SAP30BP: variants seen among roughly 807,000 people sequenced by gnomAD.
SAP30BP encodes SAP30-binding protein.
SAP30BP carries 31 observed loss-of-function variants against 46.3 expected under a neutral mutation model. The observed-to-expected ratio is 0.67, with a 90% CI of 0.50 to 0.90. The LOEUF is 0.90. Among genes scored for constraint, SAP30BP ranks in the 40% least tolerant of loss-of-function variants. The pLI is 0.00. For missense variants in SAP30BP, 312 were observed against 391.0 expected, an observed-to-expected ratio of 0.80 and a Z score of 1.70; for synonymous variants, 169 against 144.2, an observed-to-expected ratio of 1.17 and a Z score of -1.23.
Position 75,702,624 on chromosome 17 carries a change from G to A in SAP30BP, c.488+53G>A. The A allele has an allele frequency of 3.6e-6, 3 of 840,816 alleles. No homozygotes were observed. The South Asian group carries it at 4.8e-5, about 14-fold the overall frequency. 52.1% of individuals were successfully genotyped at this position (840,816 alleles called of 1,614,324 possible). A position where few individuals can be genotyped will look rare whatever the true frequency, so the allele number is the denominator to read the frequency against. ...TATTGAGTTATTAATGTTGGACTAA[G>A]GACTAAGACGTCCCCAAGGAGGTGG... On this transcript the variant is annotated intron_variant, in intron 6 of 10. Coordinates refer to ENST00000584667, the MANE Select transcript of SAP30BP (RefSeq NM_013260.8).
At chr17:75,700,797 C>T (rs2060397757) in intron 5 of SAP30BP, among the ~76,000 whole-genome samples, 1 of 152,228 alleles carries the variant, frequency 6.6e-6, no homozygotes, top group South Asian at 2.1e-4. Context: ...AAGGACGACT[C>T]CAGCAACCCG....
intron 3 of SAP30BP, among the ~76,000 whole-genome samples, chr17:75,678,072 C>G (rs2060019553): frequency 6.6e-6 from 1 of 151,994 alleles, no homozygotes; most frequent in Non-Finnish European, 1.5e-5. Context: ...TAAGATGATT[C>G]AGCCCTGGCA....
At chr17:75,680,521 G>A (rs143894119) in intron 3 of SAP30BP, among the ~76,000 whole-genome samples, 2 of 152,296 alleles carry the variant, frequency 1.3e-5, no homozygotes, top group Admixed American at 6.5e-5. Flanking sequence ...AGTCAGGGCC[G>A]TGAGACCCCC....
rs1007624210 is a variant in SAP30BP, at chr17:75,668,454, A to G, written c.107-62A>G. On this transcript the variant is annotated intron_variant, in intron 1 of 10. Transcript: ENST00000584667. ...CAAATCTCTGGACATTTTTTCTTACATTGTAACTCTTGTTTTTTTTTTCTT... is the reference window on the plus strand; with the variant it reads ...CAAATCTCTGGACATTTTTTCTTACGTTGTAACTCTTGTTTTTTTTTTCTT... 9.4e-6 allele frequency: 10 copies of G among 1,066,684 alleles called. No homozygotes were observed. The Admixed American group carries it at 2.5e-4, about 27-fold the overall frequency. 66.1% of individuals were successfully genotyped at this position (1,066,684 alleles called of 1,614,324 possible). A position where few individuals can be genotyped will look rare whatever the true frequency, so the allele number is the denominator to read the frequency against.
chr17:75,671,901 A>G (rs1457143100), intron 3 of SAP30BP, 38 bp downstream of exon 3: 1 of 1,570,422 alleles, frequency 6.4e-7, no homozygotes, highest in South Asian at 1.1e-5. Flanking sequence ...CTGGATGCAA[A>G]CAAGGTGTTT....
intron 2 of SAP30BP, among the ~76,000 whole-genome samples, 170 bp downstream of exon 2, chr17:75,668,795 G>A (rs1024706393): frequency 2.6e-5 from 4 of 152,212 alleles, no homozygotes; most frequent in Non-Finnish European, 4.4e-5. Flanking sequence ...GTTTGAAAAT[G>A]TATTTTCACA....
rs1381297021 is a variant in SAP30BP at position 75,699,431 on chromosome 17, A to G, written c.308-352A>G. 2.0e-5 allele frequency among the ~76,000 whole-genome samples: 3 copies of G among 151,444 alleles called. No homozygotes were observed. In the Admixed American group the frequency reaches 2.0e-4, roughly 10 times the overall value. ...GGTCTAGAACTCCTGACCTCAAATG[A>G]TCTGCCTACCTTGGCTTCCCAAAAT... On this transcript the variant is annotated intron_variant, in intron 4 of 10. Transcript: ENST00000584667.
At chr17:75,703,444 C>A in intron 7 of SAP30BP, 73 bp downstream of exon 7, 2 of 1,389,046 alleles carry the variant, frequency 1.4e-6, no homozygotes, top group East Asian at 2.3e-5. Context: ...GGGATTTGAC[C>A]TGCAGCCACA....
intron 3 of SAP30BP, 145 bp from the exon 4 acceptor site, chr17:75,693,295 G>A (rs943258781): frequency 3.2e-6 from 2 of 633,116 alleles, no homozygotes; most frequent in Non-Finnish European, 5.6e-6. Context: ...GGTGCCAGAG[G>A]CCCCTGAAGC....
At chr17:75,691,297 A>G (rs756743943) in intron 3 of SAP30BP, 20 of 390,546 alleles carry the variant, frequency 5.1e-5, no homozygotes, top group Non-Finnish European at 1.0e-4. Context: ...AGAAGGAATA[A>G]TTTAGGGGGA....
Position 75,693,499 on chromosome 17 carries a change from C to T in SAP30BP, c.307+17C>T. The T allele has an allele frequency of 1.1e-5, 17 of 1,612,416 alleles. No homozygotes were observed. The highest frequency in any genetic ancestry group is 1.4e-5 in the Non-Finnish European group (17 of 1,178,956). On this transcript the variant is annotated intron_variant, in intron 4 of 10. Transcript: ENST00000584667. Reference sequence around the variant, plus strand: ...AACTCGTGGGTGAGTATTGGGGGATCCTGGGGGCACGTTTCTCAGCCTTGC... The same window carrying T: ...AACTCGTGGGTGAGTATTGGGGGATTCTGGGGGCACGTTTCTCAGCCTTGC...
rs576159017 is a variant in SAP30BP, at chr17:75,703,960, T to G, written c.601+101T>G. 3.0e-5 allele frequency: 27 copies of G among 905,348 alleles called. No individual in the cohort carries two copies. The African/African-American group carries it at 3.6e-4, about 12-fold the overall frequency. The allele number at this position is 905,348 out of a possible 1,614,324, so 56.1% of individuals were successfully genotyped here. On this transcript the variant is annotated intron_variant, in intron 8 of 10. Transcript: ENST00000584667. ...AGGTGACACATATTTCAGGGTCTACTCTATGTCAGGCCATGTTCAAGGGGG... is the reference window on the plus strand; with the variant it reads ...AGGTGACACATATTTCAGGGTCTACGCTATGTCAGGCCATGTTCAAGGGGG...
intron 9 of SAP30BP, chr17:75,705,577 T>C (rs1398767455): frequency 9.9e-7 from 1 of 1,006,952 alleles, no homozygotes; most frequent in East Asian, 8.7e-5. Flanking sequence ...TGAATCTCCC[T>C]TCTCTCTCTT....
intron 3 of SAP30BP, among the ~76,000 whole-genome samples, chr17:75,685,048 A>G (rs1234542897): frequency 2.0e-5 from 3 of 152,138 alleles, no homozygotes; most frequent in Non-Finnish European, 4.4e-5. Flanking sequence ...CAGTTGATCC[A>G]AGTAACCTGA....
intron 4 of SAP30BP, among the ~76,000 whole-genome samples, chr17:75,696,124 C>T (rs1460182065): frequency 6.6e-6 from 1 of 152,196 alleles, no homozygotes; most frequent in African/African-American, 2.4e-5. Context: ...GTCCTAAGTG[C>T]GGCTGCCTCT....
intron 6 of SAP30BP, chr17:75,703,010 A>G (rs78775335): frequency 2.3e-6 from 1 of 441,104 alleles, no homozygotes; most frequent in East Asian, 3.7e-5. Flanking sequence ...AGCTAGTGAC[A>G]TACAGGGAAA....
intron 3 of SAP30BP, among the ~76,000 whole-genome samples, chr17:75,690,313 A>G (rs1374362080): frequency 6.6e-6 from 1 of 152,138 alleles, no homozygotes; most frequent in Admixed American, 6.5e-5. Flanking sequence ...ATAGAGGCAT[A>G]TCATTACTGT....
At chr17:75,703,900 C>T in intron 8 of SAP30BP, 41 bp downstream of exon 8, 4 of 1,386,696 alleles carry the variant, frequency 2.9e-6, no homozygotes, top group Non-Finnish European at 4.1e-6. Flanking sequence ...TGTCCGCCCA[C>T]CCGACTGTCC....
intron 5 of SAP30BP, 193 bp downstream of exon 5, chr17:75,700,064 C>T (rs2060384330): frequency 2.2e-6 from 1 of 454,562 alleles, no homozygotes; most frequent in Admixed American, 3.6e-5. Context: ...GGCTCCTACA[C>T]CCACCGCCAT....
Sources: gnomAD v4.1 joint callset for allele counts (sites outside exome capture counted in the v4.1 genomes callset) on GRCh38, gnomAD v4.1.1 for gene constraint, MANE v1.5 for transcripts, NCBI Gene and HGNC (gene_info 2026-07-23, HGNC 2026-07-21) for gene names.